WDR91: variants seen among roughly 807,000 people sequenced by gnomAD.
WDR91 encodes WD repeat-containing protein 91.
Under a neutral mutation model 88.4 loss-of-function variants are expected in WDR91, and 52 were observed. The ratio of observed to expected loss-of-function variants is 0.59; its 90% CI spans 0.47 to 0.74. The LOEUF (loss-of-function observed/expected upper bound fraction) is 0.74. Ranked by LOEUF, WDR91 falls within the 30% of genes least tolerant of loss-of-function variation. The probability of loss-of-function intolerance (pLI) is 0.00; values close to 1 mark genes in which losing one functional copy is unlikely to be tolerated. For synonymous variants in WDR91, 362 were observed against 389.5 expected (o/e 0.93, Z 0.83); for missense variants, 824 against 954.5 (o/e 0.86, Z 1.80).
intron 12 of WDR91, 65 bp from the exon 13 acceptor site, chr7:135,188,610 GC>G: frequency 2.2e-6 from 3 of 1,378,972 alleles, no homozygotes; most frequent in Non-Finnish European, 3.1e-6. Context: ...TCTGCCTGCA[GC>G]AGGAGGCCCC....
intron 6 of WDR91, chr7:135,200,156 G>C (rs1199984655): frequency 6.6e-6 from 1 of 152,226 alleles, no homozygotes; most frequent in Non-Finnish European, 1.5e-5. Context: ...ATTAAAAGCT[G>C]GTGAATGCGG....
chr7:135,199,130 C>T (rs971065283), intron 6 of WDR91: 5 of 152,174 alleles, frequency 3.3e-5, no homozygotes, highest in Non-Finnish European at 5.9e-5. Flanking sequence ...CTTTCCAGTT[C>T]TTCTACTTGT....
intron 13 of WDR91, 134 bp from the exon 14 acceptor site, chr7:135,187,303 C>A: frequency 2.4e-6 from 2 of 843,548 alleles, no homozygotes; most frequent in Non-Finnish European, 3.6e-6. Context: ...TGCTGACATC[C>A]TTGAAAAGCC....
chr7:135,195,230 CTA>C (rs1329404754), intron 8 of WDR91, 146 bp from the exon 9 acceptor site: 23 of 823,066 alleles, frequency 2.8e-5, no homozygotes, highest in Non-Finnish European at 4.2e-5. Context: ...CTGGTATAGA[CTA>C]TTTCTAGAAA....
Position 135,205,997 on chromosome 7 carries a change from T to C in WDR91, c.656A>G (p.Glu219Gly). The C allele has an allele frequency of 6.2e-7, 1 of 1,614,192 alleles. No homozygotes were observed. The highest frequency in any genetic ancestry group is 8.5e-7 in the Non-Finnish European group (1 of 1,180,042). Residue 219 changes from glutamate (E) to glycine (G), a missense_variant, in exon 5 of 15, where the codon GAA becomes GGA. By Grantham distance (98) the Glu-to-Gly change is moderately conservative. Transcript: ENST00000354475. Reference protein sequence around the residue: ...LKKEEQQPEEEEALVQHKLPP... With the variant: ...LKKEEQQPEEGEALVQHKLPP... ...CAATTTGTGTTGGACCAAGGCCTCT[T>C]CCTCTTCTGGCTGTTGCTCCTCTTT...
intron 6 of WDR91, chr7:135,198,757 G>A (rs1368917617): frequency 3.9e-5 from 6 of 152,116 alleles, no homozygotes; most frequent in East Asian, 1.9e-4. Flanking sequence ...GAAATAAACC[G>A]GTATTTTCTG....
chr7:135,204,501 C>A, intron 5 of WDR91, 68 bp from the exon 6 acceptor site: 1 of 1,554,090 alleles, frequency 6.4e-7, no homozygotes, highest in Non-Finnish European at 8.8e-7. Flanking sequence ...GAACATAGAC[C>A]TCCCGGGCTA....
intron 6 of WDR91, among the ~76,000 whole-genome samples, chr7:135,204,053 G>A (rs1356820301): frequency 1.3e-5 from 2 of 152,208 alleles, no homozygotes; most frequent in African/African-American, 4.8e-5. Flanking sequence ...GTCTAATCTA[G>A]ATTCTCATCC....
intron 2 of WDR91, 153 bp downstream of exon 2, chr7:135,209,420 AAAG>A: frequency 7.2e-6 from 5 of 692,514 alleles, no homozygotes; most frequent in Middle Eastern, 2.6e-4. Flanking sequence ...CAAGGAAAAA[AAAG>A]AAGAAAAACA....
intron 11 of WDR91, 22 bp from the exon 12 acceptor site, chr7:135,189,474 G>A (rs1037447916): frequency 6.3e-7 from 1 of 1,598,216 alleles, no homozygotes. Context: ...AAACAAAAAT[G>A]TCAGTAGCAG....
At position 135,204,291 on chromosome 7, in the gene WDR91, T is replaced by G. The variant is rs773339895; in HGVS notation, c.868A>C (p.Lys290Gln). The G allele has an allele frequency of 5.0e-6, 8 of 1,613,966 alleles. No individual in the cohort carries two copies. In the East Asian group the frequency reaches 1.8e-4, roughly 36 times the overall value. Residue 290 changes from lysine (K) to glutamine (Q), a missense_variant, in exon 6 of 15, where the codon AAG becomes CAG. Transcript: ENST00000354475. ...ACCTGACCACCGAAGGACTCTTTCT[T>G]GGCCGAGCTCTGAGGTTGAGGAGGG... ...QGPPQPQSSA[K>Q]KESFGGQGTK...
At position 135,186,045 on chromosome 7, in the gene WDR91, C is replaced by A. The variant is rs1048601336; in HGVS notation, c.*106G>T. The A allele has an allele frequency of 1.5e-6, 2 of 1,311,362 alleles. No individual in the cohort carries two copies. Among genetic ancestry groups the A allele is most frequent in the African/African-American group, 3.1e-5 (2 of 65,538 alleles). The allele number at this position is 1,311,362 out of a possible 1,614,324, so 81.2% of individuals were successfully genotyped here. Reference sequence around the variant, plus strand: ...TTGCCAGTCTTTCCCTGCAGAGTCACTGCACTGGCAGGGAGCTGGAGTGGA... The same window carrying A: ...TTGCCAGTCTTTCCCTGCAGAGTCAATGCACTGGCAGGGAGCTGGAGTGGA... On this transcript the variant is annotated 3_prime_UTR_variant, in exon 15 of 15. Coordinates refer to ENST00000354475, the MANE Select transcript of WDR91 (RefSeq NM_014149.4).
At chr7:135,198,309 C>T in intron 6 of WDR91, 158 bp from the exon 7 acceptor site, 2 of 778,040 alleles carry the variant, frequency 2.6e-6, no homozygotes, top group Non-Finnish European at 4.0e-6. Flanking sequence ...TCATAGTCAG[C>T]CCCTGCTATG....
intron 11 of WDR91, among the ~76,000 whole-genome samples, chr7:135,190,799 A>G (rs1015840507): frequency 6.6e-6 from 1 of 152,222 alleles, no homozygotes; most frequent in Non-Finnish European, 1.5e-5. Context: ...ATGGATCTGA[A>G]GAAACTATTA....
intron 11 of WDR91, among the ~76,000 whole-genome samples, chr7:135,191,050 G>C (rs914902625): frequency 1.3e-5 from 2 of 152,106 alleles, no homozygotes; most frequent in African/African-American, 4.8e-5. Context: ...CAGAGAACCA[G>C]GTAAGATTTT....
chr7:135,201,702 A>T (rs999993376), intron 6 of WDR91, among the ~76,000 whole-genome samples: 1 of 152,254 alleles, frequency 6.6e-6, no homozygotes, highest in Admixed American at 6.5e-5. Context: ...CTGGTGTGGT[A>T]GCAGCGAGGA....
At chr7:135,188,905 G>T (rs936770596) in intron 12 of WDR91, among the ~76,000 whole-genome samples, 3 of 152,190 alleles carry the variant, frequency 2.0e-5, no homozygotes, top group Admixed American at 6.5e-5. Flanking sequence ...CCCAGGCTCT[G>T]GGGATGTCTC....
In WDR91 at chr7:135,204,352, A is replaced by G; in HGVS notation, c.807T>C (p.Ser269=). 2 of 1,614,136 alleles carry G rather than the reference A, an allele frequency of 1.2e-6. No individual in the cohort carries two copies. Among genetic ancestry groups the G allele is most frequent in the Non-Finnish European group, 8.5e-7 (1 of 1,180,022 alleles). ...GCGACAACCTTGAGGGGCTCTTCTT[A>G]CTCTGAGGCAGCAGCGAGGACAGGA... ...VGFLSSLLPQ[S]KKSPSRLSPA... is the part of the protein sequence containing the mutation. Residue 269 remains serine, a synonymous_variant, in exon 6 of 15, where the codon AGT becomes AGC. Coordinates refer to ENST00000354475, the MANE Select transcript of WDR91 (RefSeq NM_014149.4).
intron 8 of WDR91, 86 bp from the exon 9 acceptor site, chr7:135,195,170 C>T (rs937593206): frequency 4.9e-6 from 7 of 1,434,722 alleles, no homozygotes; most frequent in African/African-American, 4.2e-5. Flanking sequence ...ACTTTCCTGA[C>T]TTCCTTACTG....
Sources: gnomAD v4.1 joint callset for allele counts (sites outside exome capture counted in the v4.1 genomes callset) on GRCh38, gnomAD v4.1.1 for gene constraint, MANE v1.5 for transcripts, NCBI Gene and HGNC (gene_info 2026-07-23, HGNC 2026-07-21) for gene names.